The following UVRAG variants were observed in gnomAD, a reference collection of about 807,000 sequenced individuals.
The protein encoded by UVRAG is UV radiation resistance-associated gene protein.
In UVRAG, 19 loss-of-function variants were observed where a neutral mutation model predicts 78.0. That is an observed-to-expected ratio of 0.24 (90% CI 0.17 to 0.36). UVRAG has a LOEUF of 0.36. Ranked by LOEUF, UVRAG falls within the 10% of genes least tolerant of loss-of-function variation. The probability of loss-of-function intolerance (pLI) is 1.00; values close to 1 mark genes in which losing one functional copy is unlikely to be tolerated. For synonymous variants in UVRAG, 323 were observed against 324.6 expected, an observed-to-expected ratio of 1.00 and a Z score of 0.05; for missense variants, 740 against 853.8, an observed-to-expected ratio of 0.87 and a Z score of 1.66.
At position 75,983,317 on chromosome 11, in the gene UVRAG, T is replaced by G. The variant is rs1949430064; in HGVS notation, c.700-70T>G. The G allele has an allele frequency of 5.9e-6, 8 of 1,346,310 alleles. No homozygotes were observed. The East Asian group carries it at 2.0e-4, about 34-fold the overall frequency. The allele number at this position is 1,346,310 out of a possible 1,614,324, so 83.4% of individuals were successfully genotyped here. On this transcript the variant is annotated intron_variant, in intron 7 of 14. Coordinates refer to ENST00000356136, the MANE Select transcript of UVRAG (RefSeq NM_003369.4). The stretch of plus-strand genomic sequence containing the variant: ...TAAGCCATTATTTATTTTTAAACAT[T>G]GTGAGTATGTAATTATTCATAGTCA...
intron 13 of UVRAG, among the ~76,000 whole-genome samples, chr11:76,104,979 T>C (rs1163622266): frequency 2.6e-5 from 4 of 152,218 alleles, no homozygotes; most frequent in African/African-American, 9.6e-5. Context: ...ACATTGCTTA[T>C]AGGATTGTGT....
chr11:75,968,091 G>A (rs1949059205), intron 7 of UVRAG, among the ~76,000 whole-genome samples: 1 of 152,148 alleles, frequency 6.6e-6, no homozygotes, highest in South Asian at 2.1e-4. Context: ...CATCATATTG[G>A]TGCTCAGAAA....
intron 5 of UVRAG, among the ~76,000 whole-genome samples, chr11:75,894,658 C>G (rs547933207): frequency 4.0e-5 from 6 of 151,772 alleles, no homozygotes; most frequent in Non-Finnish European, 7.4e-5. Flanking sequence ...TCCTCCTCAG[C>G]CTCCCAAAGT....
At chr11:76,135,252 T>C (rs1468731898) in intron 14 of UVRAG, among the ~76,000 whole-genome samples, 1 of 152,248 alleles carries the variant, frequency 6.6e-6, no homozygotes, top group East Asian at 1.9e-4. Flanking sequence ...GAGCTAAGAG[T>C]AGAATCCAGG....
chr11:75,854,793 T>C (rs1946249765), intron 2 of UVRAG, among the ~76,000 whole-genome samples: 1 of 152,214 alleles, frequency 6.6e-6, no homozygotes, highest in African/African-American at 2.4e-5. Flanking sequence ...ATGAAACAAT[T>C]TGGCTACTAT....
At chr11:75,830,879 A>AT (rs1945640519) in intron 1 of UVRAG, among the ~76,000 whole-genome samples, 1 of 152,214 alleles carries the variant, frequency 6.6e-6, no homozygotes, top group Non-Finnish European at 1.5e-5. Flanking sequence ...AGTGGTTAAG[A>AT]ATATGGACAC....
intron 12 of UVRAG, among the ~76,000 whole-genome samples, chr11:76,039,455 G>A (rs142797964): frequency 6.4e-4 from 97 of 152,238 alleles, no homozygotes; most frequent in Non-Finnish European, 9.1e-4. Context: ...ATAAAATATT[G>A]TATTTGTGGC....
intron 14 of UVRAG, among the ~76,000 whole-genome samples, chr11:76,127,524 G>A (rs1047041312): frequency 6.6e-6 from 1 of 151,366 alleles, no homozygotes; most frequent in Non-Finnish European, 1.5e-5. Context: ...GGTGGTACAC[G>A]CCTGTAATCC....
chr11:75,903,097 C>T (rs1046651218), intron 5 of UVRAG, among the ~76,000 whole-genome samples: 1 of 151,842 alleles, frequency 6.6e-6, no homozygotes, highest in African/African-American at 2.4e-5. Flanking sequence ...TCCCCACCTT[C>T]CTCCTCCTCC....
At chr11:75,858,118 G>A (rs1179486537) in intron 2 of UVRAG, among the ~76,000 whole-genome samples, 1 of 150,144 alleles carries the variant, frequency 6.7e-6, no homozygotes, top group Non-Finnish European at 1.5e-5. Context: ...AAATATTTTT[G>A]TCTTTTTAAT....
intron 14 of UVRAG, among the ~76,000 whole-genome samples, chr11:76,140,112 CCT>C (rs745755879): frequency 2.8e-3 from 32 of 11,288 alleles, no homozygotes; most frequent in African/African-American, 4.4e-3. Flanking sequence ...TCCCTCCCTC[CCT>C]CTCTCTCTCT....
chr11:76,115,747 C>T (rs764657028), intron 13 of UVRAG, among the ~76,000 whole-genome samples, 177 bp from the exon 14 acceptor site: 12 of 152,266 alleles, frequency 7.9e-5, no homozygotes, highest in South Asian at 2.1e-4. Context: ...TACTCATACA[C>T]GTGCTTATCT....
intron 12 of UVRAG, among the ~76,000 whole-genome samples, chr11:76,031,561 T>G (rs1032948347): frequency 1.3e-5 from 2 of 152,192 alleles, no homozygotes; most frequent in African/African-American, 4.8e-5. Context: ...ATCTCAGCTT[T>G]CTGTAACCAA....
chr11:75,972,368 A>G (rs1379622155), intron 7 of UVRAG, among the ~76,000 whole-genome samples: 2 of 151,990 alleles, frequency 1.3e-5, no homozygotes, highest in African/African-American at 4.8e-5. Flanking sequence ...TAGATCTGTG[A>G]TCTGGTTTGA....
At chr11:75,956,856 T>A (rs1291867187) in intron 6 of UVRAG, among the ~76,000 whole-genome samples, 2 of 152,220 alleles carry the variant, frequency 1.3e-5, no homozygotes, top group Admixed American at 6.5e-5. Flanking sequence ...ACTTTTCCTG[T>A]GCTTATTGGC....
At chr11:75,997,113 C>A (rs1029684422) in intron 8 of UVRAG, among the ~76,000 whole-genome samples, 1 of 152,182 alleles carries the variant, frequency 6.6e-6, no homozygotes. Context: ...TATCTGTTAA[C>A]CCTTGAGAAA....
intron 6 of UVRAG, among the ~76,000 whole-genome samples, chr11:75,932,016 T>A (rs1048431984): frequency 1.3e-5 from 2 of 149,824 alleles, no homozygotes; most frequent in South Asian, 4.2e-4. Flanking sequence ...AGTGGTCCAA[T>A]GGATGGTTTG....
At chr11:75,985,318 C>T (rs1949478285) in intron 8 of UVRAG, among the ~76,000 whole-genome samples, 1 of 151,892 alleles carries the variant, frequency 6.6e-6, no homozygotes, top group Non-Finnish European at 1.5e-5. Flanking sequence ...ATTTTATAAA[C>T]ATTTCATATG....
At chr11:75,879,610 A>C (rs981990026) in intron 3 of UVRAG, among the ~76,000 whole-genome samples, 2 of 152,224 alleles carry the variant, frequency 1.3e-5, no homozygotes, top group Admixed American at 1.3e-4. Context: ...GTGTCGAATA[A>C]ATGAATGAAT....
Sources: gnomAD v4.1 joint callset for allele counts (sites outside exome capture counted in the v4.1 genomes callset) on GRCh38, gnomAD v4.1.1 for gene constraint, MANE v1.5 for transcripts, NCBI Gene and HGNC (gene_info 2026-07-23, HGNC 2026-07-21) for gene names.